Variants in AGO4 observed in about 807,000 individuals in gnomAD.
AGO4 encodes protein argonaute-4.
AGO4 carries 33 observed loss-of-function variants against 104.7 expected under a neutral mutation model. The observed-to-expected ratio is 0.32, with a 90% CI of 0.24 to 0.42. The LOEUF (loss-of-function observed/expected upper bound fraction) is 0.42, where lower values mean the gene tolerates loss of function less well. Among genes scored for constraint, AGO4 ranks in the 10% least tolerant of loss-of-function variants. The pLI is 1.00. For missense variants in AGO4, 711 were observed against 1,083.4 expected (o/e 0.66, Z 4.83); for synonymous variants, 331 against 364.7 (o/e 0.91, Z 1.05).
intron 1 of AGO4, among the ~76,000 whole-genome samples, chr1:35,813,934 G>A (rs963868559): frequency 2.6e-5 from 4 of 151,836 alleles, no homozygotes; most frequent in Non-Finnish European, 5.9e-5. Context: ...AATTAGCTGG[G>A]CATGGTGGCG....
In AGO4 at chr1:35,816,820, A is replaced by G. The variant is rs1350041570; in HGVS notation, c.20-62A>G. 40 of 1,447,258 alleles carry G rather than the reference A, an allele frequency of 2.8e-5. 1 individual carries two copies. Among genetic ancestry groups the G allele is most frequent in the South Asian group, 5.9e-5 (4 of 67,944 alleles). 89.7% of individuals were successfully genotyped at this position (1,447,258 alleles called of 1,614,324 possible). A position where few individuals can be genotyped will look rare whatever the true frequency, so the allele number is the denominator to read the frequency against. On this transcript the variant is annotated intron_variant, in intron 1 of 17. Coordinates refer to ENST00000373210, the MANE Select transcript of AGO4 (RefSeq NM_017629.4). ...TCTCAAAAAAAAAAAAAAAAAAAAA[A>G]AGAAAGAAAGAAAGAAAAAGAAAAA... is the stretch of plus-strand genomic sequence containing the variant.
At chr1:35,807,704 G>A (rs1247495283), upstream of AGO4, among the ~76,000 whole-genome samples, 1 of 152,196 alleles carries the variant, frequency 6.6e-6, no homozygotes, top group Non-Finnish European at 1.5e-5. Context: ...AGGGATGAAG[G>A]AGGACTGCTA....
chr1:35,815,480 A>G (rs939813893), intron 1 of AGO4, among the ~76,000 whole-genome samples: 2 of 151,936 alleles, frequency 1.3e-5, no homozygotes, highest in East Asian at 1.9e-4. Flanking sequence ...TTCTGTGGGG[A>G]AAAAAAACAG....
rs544402724 is a variant in AGO4, at chr1:35,856,036, C to G, written c.*2431C>G. On this transcript the variant is annotated 3_prime_UTR_variant, in exon 18 of 18. Transcript: ENST00000373210. ...AAAGCCCTGATTAGCTTGTCTTGCT[C>G]TACGCTCGACCTCGAACAATACAGC... 1.3e-5 allele frequency: 2 copies of G among 152,416 alleles called. No individual in the cohort carries two copies. Among genetic ancestry groups the G allele is most frequent in the South Asian group, 2.1e-4 (1 of 4,830 alleles). 9.4% of individuals were successfully genotyped at this position (152,416 alleles called of 1,614,324 possible).
intron 16 of AGO4, 140 bp downstream of exon 16, chr1:35,850,398 G>A: frequency 1.4e-6 from 1 of 740,490 alleles, no homozygotes; most frequent in Non-Finnish European, 2.4e-6. Context: ...TTTGGTCTAG[G>A]TATCTGCTTG....
intron 15 of AGO4, 52 bp from the exon 16 acceptor site, chr1:35,850,105 T>G: frequency 7.6e-7 from 1 of 1,323,742 alleles, no homozygotes; most frequent in Non-Finnish European, 1.0e-6. Context: ...AAAAATGGCC[T>G]GACCACAGTT....
chr1:35,825,211 A>T, intron 3 of AGO4, 102 bp from the exon 4 acceptor site: 1 of 1,260,570 alleles, frequency 7.9e-7, no homozygotes, highest in Non-Finnish European at 1.1e-6. Flanking sequence ...AAAAAAAGTT[A>T]AAAGAAATAT....
At chr1:35,813,593 G>A (rs192418560) in intron 1 of AGO4, among the ~76,000 whole-genome samples, 30 of 151,482 alleles carry the variant, frequency 2.0e-4, no homozygotes, top group African/African-American at 6.1e-4. Context: ...CCCAAACCTC[G>A]TCTCTACCAA....
intron 6 of AGO4, 121 bp downstream of exon 6, chr1:35,826,181 C>A: frequency 7.8e-7 from 1 of 1,283,364 alleles, no homozygotes; most frequent in Non-Finnish European, 1.1e-6. Context: ...TCAATGGGAC[C>A]TTGGTCAAGT....
At chr1:35,846,000 C>A (rs1184864399) in intron 15 of AGO4, among the ~76,000 whole-genome samples, 3 of 152,114 alleles carry the variant, frequency 2.0e-5, no homozygotes, top group Non-Finnish European at 4.4e-5. Flanking sequence ...ACATTTCAGG[C>A]CACATTTTAT....
chr1:35,836,401 G>T (rs1399582658), intron 13 of AGO4, among the ~76,000 whole-genome samples: 3 of 152,066 alleles, frequency 2.0e-5, no homozygotes, highest in Non-Finnish European at 2.9e-5. Flanking sequence ...TTCATTTCAT[G>T]AATAAACGAC....
intron 8 of AGO4, 86 bp from the exon 9 acceptor site, chr1:35,831,726 G>A: frequency 6.4e-7 from 1 of 1,559,038 alleles, no homozygotes; most frequent in Non-Finnish European, 8.6e-7. Context: ...AATTTTTCTG[G>A]AAATAGAGGA....
chr1:35,853,353 T>C, intron 17 of AGO4, 144 bp from the exon 18 acceptor site: 1 of 543,580 alleles, frequency 1.8e-6, no homozygotes, highest in East Asian at 3.1e-5. Flanking sequence ...TATTCTAGAA[T>C]CTAGTACTGT....
chr1:35,808,350 G>A lies in AGO4; in HGVS notation c.-67G>A, dbSNP rs1222341036. The A allele has an allele frequency of 1.9e-5, 18 of 950,754 alleles. No homozygotes were observed. Among genetic ancestry groups the A allele is most frequent in the Non-Finnish European group, 2.3e-5 (18 of 793,470 alleles). The allele number at this position is 950,754 out of a possible 1,614,324, so 58.9% of individuals were successfully genotyped here. Reference sequence around the variant, plus strand: ...AGATCAAGCGTTACGCGGCGGCGGCGGCGGCGGCGGCGGGGCCCGGAGCGG... The same window carrying A: ...AGATCAAGCGTTACGCGGCGGCGGCAGCGGCGGCGGCGGGGCCCGGAGCGG... On this transcript the variant is annotated 5_prime_UTR_variant, in exon 1 of 18. Coordinates refer to ENST00000373210, the MANE Select transcript of AGO4 (RefSeq NM_017629.4). This position sits in a 1 kb window ranked among gnomAD's most constrained non-coding sequence, Gnocchi z 5.2.
At chr1:35,817,951 G>A (rs1369082454) in intron 2 of AGO4, among the ~76,000 whole-genome samples, 1 of 152,104 alleles carries the variant, frequency 6.6e-6, no homozygotes, top group Non-Finnish European at 1.5e-5. Flanking sequence ...CCTGTGCTCT[G>A]GGAATTCACC....
intron 13 of AGO4, among the ~76,000 whole-genome samples, chr1:35,840,905 G>A (rs1644426261): frequency 6.6e-6 from 1 of 152,126 alleles, no homozygotes; most frequent in East Asian, 1.9e-4. Context: ...ATGAGCCAAG[G>A]TGCCCAGCCT....
At chr1:35,809,376 A>G (rs1190738443) in intron 1 of AGO4, among the ~76,000 whole-genome samples, 1 of 152,158 alleles carries the variant, frequency 6.6e-6, no homozygotes, top group Non-Finnish European at 1.5e-5. Context: ...TTAATATTCA[A>G]ACTTTACCTA....
Position 35,855,775 on chromosome 1 carries a change from C to T in AGO4, c.*2170C>T, listed in dbSNP as rs1644804603. 1.3e-5 allele frequency: 2 copies of T among 151,076 alleles called. No homozygotes were observed. Among genetic ancestry groups the T allele is most frequent in the South Asian group, 2.1e-4 (1 of 4,804 alleles). The allele number at this position is 151,076 out of a possible 1,614,324, so 9.4% of individuals were successfully genotyped here. On this transcript the variant is annotated 3_prime_UTR_variant, in exon 18 of 18. Coordinates refer to ENST00000373210, the MANE Select transcript of AGO4 (RefSeq NM_017629.4). Reference sequence around the variant, plus strand: ...TTGTTCAGGGAGAGCACAGAGAATACCCTTCAGCATGGCCACTCTGGACCC... The same window carrying T: ...TTGTTCAGGGAGAGCACAGAGAATATCCTTCAGCATGGCCACTCTGGACCC...
chr1:35,832,835 AT>A (rs1205827189), intron 11 of AGO4, among the ~76,000 whole-genome samples: 3 of 152,222 alleles, frequency 2.0e-5, no homozygotes, highest in Non-Finnish European at 4.4e-5. Flanking sequence ...TTGAGTTCTT[AT>A]TGAAGCTTCC....
Sources: allele counts gnomAD v4.1 joint callset (sites outside exome capture counted in the v4.1 genomes callset), GRCh38; gene constraint gnomAD v4.1.1; non-coding constraint Gnocchi (gnomAD v3.1); transcripts MANE v1.5; gene names NCBI Gene and HGNC (gene_info 2026-07-23, HGNC 2026-07-21).